Variants in PSTPIP2 observed in about 807,000 individuals in gnomAD.
PSTPIP2 encodes proline-serine-threonine phosphatase interacting protein 2.
In PSTPIP2, 33 loss-of-function variants were observed where a neutral mutation model predicts 63.3. The ratio of observed to expected loss-of-function variants is 0.52; its 90% CI spans 0.40 to 0.70. The LOEUF is 0.70. PSTPIP2 is among the 30% of genes least tolerant of loss of function. The pLI is 0.00. For synonymous variants in PSTPIP2, 125 were observed against 132.7 expected (o/e 0.94, Z 0.40); for missense variants, 312 against 400.7 (o/e 0.78, Z 1.89).
At chr18:46,000,342 A>G (rs1356057905) in intron 6 of PSTPIP2, among the ~76,000 whole-genome samples, 1 of 152,116 alleles carries the variant, frequency 6.6e-6, no homozygotes, top group African/African-American at 2.4e-5. Flanking sequence ...GCCATCATTT[A>G]TTTTGCTTAA....
At chr18:46,030,569 G>A (rs1599728168) in intron 2 of PSTPIP2, among the ~76,000 whole-genome samples, 2 of 152,216 alleles carry the variant, frequency 1.3e-5, no homozygotes, top group East Asian at 3.9e-4. Flanking sequence ...TATTTAGTCT[G>A]AACTATTTAT....
intron 2 of PSTPIP2, among the ~76,000 whole-genome samples, chr18:46,026,886 A>G (rs964717391): frequency 2.0e-5 from 3 of 152,148 alleles, no homozygotes; most frequent in Admixed American, 6.5e-5. Context: ...CCAAAATTCC[A>G]CCAACTAAAA....
At chr18:46,070,723 T>C (rs1909364677) in intron 1 of PSTPIP2, among the ~76,000 whole-genome samples, 1 of 152,160 alleles carries the variant, frequency 6.6e-6, no homozygotes, top group Non-Finnish European at 1.5e-5. Context: ...TCTCACTATG[T>C]TGCCCAGGGT....
chr18:46,028,022 G>A (rs558499728), intron 2 of PSTPIP2, among the ~76,000 whole-genome samples: 39 of 152,232 alleles, frequency 2.6e-4, no homozygotes, highest in African/African-American at 9.1e-4. Context: ...TTAGCCAGGA[G>A]TGGTGGCGCG....
At chr18:46,026,673 C>T (rs539739172) in intron 2 of PSTPIP2, among the ~76,000 whole-genome samples, 3 of 151,748 alleles carry the variant, frequency 2.0e-5, no homozygotes, top group Non-Finnish European at 4.4e-5. Context: ...ACCACGATTT[C>T]AAGAGCAGCC....
At position 46,001,840 on chromosome 18, in the gene PSTPIP2, C is replaced by T. The variant is rs141243439; in HGVS notation, c.418-2306G>A. Among the ~76,000 whole-genome samples, 18 of 152,200 alleles carry T rather than the reference C, an allele frequency of 1.2e-4. 1 individual carries two copies. The highest frequency in any genetic ancestry group is 4.3e-4 in the African/African-American group (18 of 41,540). On this transcript the variant is annotated intron_variant, in intron 6 of 14. Coordinates refer to ENST00000409746, the MANE Select transcript of PSTPIP2 (RefSeq NM_024430.4). Reference sequence around the variant, plus strand: ...GGCATGCAATGCAAAATAAGCACATCATGGAGAATGGGGCATCCATCCCCT... The same window carrying T: ...GGCATGCAATGCAAAATAAGCACATTATGGAGAATGGGGCATCCATCCCCT...
chr18:46,037,989 A>G (rs1908044074), intron 2 of PSTPIP2, among the ~76,000 whole-genome samples: 3 of 152,124 alleles, frequency 2.0e-5, no homozygotes, highest in Admixed American at 6.5e-5. Flanking sequence ...TTGGGATCCT[A>G]TTTGGACTAG....
chr18:46,029,738 C>G lies in PSTPIP2; in HGVS notation c.135-5052G>C, dbSNP rs1907720112. On this transcript the variant is annotated intron_variant, in intron 2 of 14. Coordinates refer to ENST00000409746, the MANE Select transcript of PSTPIP2 (RefSeq NM_024430.4). ...TTCCTGTACAGTATTTCAAACTTCCCAGTCATTAAAAAGAAAACTATTTCT... is the reference window on the plus strand; with the variant it reads ...TTCCTGTACAGTATTTCAAACTTCCGAGTCATTAAAAAGAAAACTATTTCT... 7.3e-5 allele frequency: 45 copies of G among 616,736 alleles called. No individual in the cohort carries two copies. The South Asian group carries it at 8.3e-4, about 11-fold the overall frequency. The allele number at this position is 616,736 out of a possible 1,614,324, so 38.2% of individuals were successfully genotyped here.
At chr18:45,992,704 A>T (rs1253744772) in intron 10 of PSTPIP2, among the ~76,000 whole-genome samples, 1 of 151,640 alleles carries the variant, frequency 6.6e-6, no homozygotes, top group Non-Finnish European at 1.5e-5. Context: ...ATCTGCTATT[A>T]ATTTTTTATT....
chr18:46,042,988 A>T (rs986744621), intron 1 of PSTPIP2, among the ~76,000 whole-genome samples: 1 of 151,980 alleles, frequency 6.6e-6, no homozygotes, highest in African/African-American at 2.4e-5. Flanking sequence ...TGGGTTTTTT[A>T]AAGGCTGGCA....
chr18:46,043,811 G>A (rs373430539), intron 1 of PSTPIP2, among the ~76,000 whole-genome samples: 104 of 151,920 alleles, frequency 6.8e-4, no homozygotes, highest in African/African-American at 2.4e-3. Flanking sequence ...CAGGACACAA[G>A]GTCAATATAC....
At chr18:46,059,277 T>G (rs1388126189) in intron 1 of PSTPIP2, among the ~76,000 whole-genome samples, 1 of 151,718 alleles carries the variant, frequency 6.6e-6, no homozygotes, top group Non-Finnish European at 1.5e-5. Flanking sequence ...TAAGACAGAG[T>G]CTCACTCTGT....
At chr18:45,985,590 G>A in intron 14 of PSTPIP2, 140 bp from the exon 15 acceptor site, 1 of 725,342 alleles carries the variant, frequency 1.4e-6, no homozygotes, top group South Asian at 1.9e-5. Context: ...TCCAAGCAAT[G>A]AGAAATGGAA....
At position 45,994,176 on chromosome 18, in the gene PSTPIP2, T is replaced by G. The variant is rs181524297; in HGVS notation, c.643-473A>C. On this transcript the variant is annotated intron_variant, in intron 9 of 14. Coordinates refer to ENST00000409746, the MANE Select transcript of PSTPIP2 (RefSeq NM_024430.4). Reference sequence around the variant, plus strand: ...TTTGTGTATGTTTAATTGTTTTTCCTTAAAAAAAGGGTTAAAATAAAAGTC... The same window carrying G: ...TTTGTGTATGTTTAATTGTTTTTCCGTAAAAAAAGGGTTAAAATAAAAGTC... 2.1e-3 allele frequency among the ~76,000 whole-genome samples: 322 copies of G among 152,186 alleles called. 4 individuals are homozygous for G. The highest frequency in any genetic ancestry group is 6.6e-3 in the South Asian group (32 of 4,834).
chr18:46,046,239 T>C (rs141737816), intron 1 of PSTPIP2, among the ~76,000 whole-genome samples: 84 of 152,304 alleles, frequency 5.5e-4, no homozygotes, highest in Non-Finnish European at 8.7e-4. Context: ...ACCTCTTCTA[T>C]CCTCCTATGG....
At chr18:46,047,188 T>C (rs914740142) in intron 1 of PSTPIP2, among the ~76,000 whole-genome samples, 1 of 152,220 alleles carries the variant, frequency 6.6e-6, no homozygotes, top group Non-Finnish European at 1.5e-5. Flanking sequence ...GCTGTCAACC[T>C]TGATCTTTCT....
chr18:46,065,144 CAAAAAAAAAAAA>C (rs35144990), intron 1 of PSTPIP2, among the ~76,000 whole-genome samples: 2 of 80,800 alleles, frequency 2.5e-5, no homozygotes, highest in East Asian at 1.1e-3. Flanking sequence ...AACTCTGTCT[CAAAAAAAAAAAA>C]AAAAAAAAGA....
At chr18:46,018,739 G>A (rs2051879757) in intron 3 of PSTPIP2, among the ~76,000 whole-genome samples, 1 of 151,922 alleles carries the variant, frequency 6.6e-6, no homozygotes, top group Admixed American at 6.6e-5. Flanking sequence ...GCTTTCTCTG[G>A]GATTTAAGAG....
intron 1 of PSTPIP2, among the ~76,000 whole-genome samples, chr18:46,063,698 A>C (rs1424178726): frequency 6.6e-6 from 1 of 152,222 alleles, no homozygotes; most frequent in Non-Finnish European, 1.5e-5. Context: ...CAAGCAAAGC[A>C]TGAGGAAGAA....
Sources: gnomAD v4.1 joint callset for allele counts (sites outside exome capture counted in the v4.1 genomes callset) on GRCh38, gnomAD v4.1.1 for gene constraint, MANE v1.5 for transcripts, NCBI Gene and HGNC (gene_info 2026-07-23, HGNC 2026-07-21) for gene names.